PRDM2: variants seen among roughly 807,000 people sequenced by gnomAD.
PRDM2 encodes PR/SET domain 2.
Under a neutral mutation model 130.0 loss-of-function variants are expected in PRDM2, and 30 were observed. That is an observed-to-expected ratio of 0.23 (90% CI 0.17 to 0.31). PRDM2 has a LOEUF of 0.31. PRDM2 is among the 10% of genes least tolerant of loss of function. The pLI is 1.00. For synonymous variants in PRDM2, 871 were observed against 782.4 expected (o/e 1.11, Z -1.89); for missense variants, 2,011 against 2,108.4 (o/e 0.95, Z 0.90).
intron 6 of PRDM2, among the ~76,000 whole-genome samples, chr1:13,755,563 T>A (rs1204157574): frequency 6.6e-6 from 1 of 152,220 alleles, no homozygotes; most frequent in Non-Finnish European, 1.5e-5. Context: ...AATCCACTTA[T>A]AATTTGAAAG....
In PRDM2 at chr1:13,824,028, T is replaced by A. The variant is rs1570150554; in HGVS notation, c.*893T>A. 2 of 151,102 alleles carry A rather than the reference T, an allele frequency of 1.3e-5. No homozygotes were observed. The highest frequency in any genetic ancestry group is 2.1e-4 in the South Asian group (1 of 4,750). The allele number at this position is 151,102 out of a possible 1,614,324, so 9.4% of individuals were successfully genotyped here. On this transcript the variant is annotated 3_prime_UTR_variant, in exon 10 of 10. Coordinates refer to ENST00000311066, the MANE Select transcript of PRDM2 (RefSeq NM_001393986.1). ...AACAAATTGGGAAATGAAAAAAAAATGGGAAGATTAAAAAGCACAGGGGGA... is the reference window on the plus strand; with the variant it reads ...AACAAATTGGGAAATGAAAAAAAAAAGGGAAGATTAAAAAGCACAGGGGGA...
intron 9 of PRDM2, among the ~76,000 whole-genome samples, chr1:13,821,837 C>T (rs979315646): frequency 3.3e-5 from 5 of 152,138 alleles, no homozygotes; most frequent in East Asian, 1.9e-4. Context: ...GTGGTTTCTG[C>T]GGAGGAAGCA....
chr1:13,738,871 TCTTCAACAAACC>T (rs1643350833), intron 4 of PRDM2: 1 of 151,994 alleles, frequency 6.6e-6, no homozygotes, highest in Admixed American at 6.6e-5. Context: ...AGTTTTATAA[TCTTCAACAAACC>T]CTTCAGGTAT....
intron 8 of PRDM2, among the ~76,000 whole-genome samples, chr1:13,815,552 G>A (rs1645243856): frequency 6.6e-6 from 1 of 152,068 alleles, no homozygotes; most frequent in Non-Finnish European, 1.5e-5. Flanking sequence ...GACACCTAAG[G>A]GGCCTGTTGG....
At chr1:13,723,565 T>C (rs1408272562) in intron 2 of PRDM2, among the ~76,000 whole-genome samples, 1 of 152,218 alleles carries the variant, frequency 6.6e-6, no homozygotes, top group African/African-American at 2.4e-5. Context: ...TCCTGGAGTC[T>C]TCCCCAGCTT....
intron 6 of PRDM2, among the ~76,000 whole-genome samples, chr1:13,768,859 C>T (rs533068129): frequency 1.3e-5 from 2 of 152,288 alleles, no homozygotes; most frequent in East Asian, 3.9e-4. Context: ...ACAATAAGGG[C>T]GCACAGTACA....
At chr1:13,760,078 TTC>T (rs1215567003) in intron 6 of PRDM2, among the ~76,000 whole-genome samples, 1 of 152,150 alleles carries the variant, frequency 6.6e-6, no homozygotes, top group Non-Finnish European at 1.5e-5. Flanking sequence ...AATCCAGGAA[TTC>T]AGGATAGAAG....
chr1:13,794,493 A>C (rs1176026636), intron 8 of PRDM2, among the ~76,000 whole-genome samples: 1 of 152,216 alleles, frequency 6.6e-6, no homozygotes, highest in Non-Finnish European at 1.5e-5. Context: ...ATATTTGTTG[A>C]ATAAAATATT....
intron 6 of PRDM2, among the ~76,000 whole-genome samples, chr1:13,767,172 G>GA (rs1644246624): frequency 6.6e-6 from 1 of 151,924 alleles, no homozygotes; most frequent in African/African-American, 2.4e-5. Context: ...ACTCAGTGGT[G>GA]AATCATACTT....
intron 1 of PRDM2, among the ~76,000 whole-genome samples, chr1:13,708,786 G>T (rs774034316): frequency 6.6e-6 from 1 of 152,138 alleles, no homozygotes; most frequent in Admixed American, 6.5e-5. Flanking sequence ...CCTTCGGTGG[G>T]TGAGAGGCGT....
Position 13,742,145 on chromosome 1 carries a change from T to C in PRDM2, c.372T>C (p.Tyr124=), listed in dbSNP as rs138137854. Residue 124 remains tyrosine (Y), a synonymous_variant, in exon 5 of 10, where the codon TAT becomes TAC. Transcript: ENST00000311066. Reference sequence around the variant, plus strand: ...TGGAAATCAACAGAGCCATTTACTATAAAACTTTAAAGGTAACAGCATTAG... The same window carrying C: ...TGGAAATCAACAGAGCCATTTACTACAAAACTTTAAAGGTAACAGCATTAG... ...FPLEINRAIY[Y]KTLKPIAPGE... 2.0e-5 allele frequency: 32 copies of C among 1,613,568 alleles called. No homozygotes were observed. Among genetic ancestry groups the C allele is most frequent in the African/African-American group, 5.3e-5 (4 of 74,910 alleles).
rs576410891 is a variant in PRDM2, at chr1:13,779,179, A to G, written c.1384A>G (p.Lys462Glu). 9.3e-6 allele frequency: 15 copies of G among 1,614,078 alleles called. No homozygotes were observed. Among genetic ancestry groups the G allele is most frequent in the Admixed American group, 3.3e-5 (2 of 60,008 alleles). Residue 462 changes from lysine (K) to glutamate (E), a missense_variant, in exon 8 of 10, where the codon AAG (lysine) becomes GAG (glutamate). Physicochemically the swap from Lys to Glu is moderately conservative, Grantham distance 56 (BLOSUM62 1). Around this residue, in one of 5 missense-constraint regions of PRDM2, gnomAD observed 1,288 missense variants for 1,237.7 expected, o/e 1.04. Coordinates refer to ENST00000311066, the MANE Select transcript of PRDM2 (RefSeq NM_001393986.1). This position sits in a 1 kb window ranked among gnomAD's most constrained non-coding sequence, Gnocchi z 4.9. Reference protein sequence around the residue: ...GPDCLIMNSEKASQDTINSSV... With the variant: ...GPDCLIMNSEEASQDTINSSV... ...AGACTGTCTGATCATGAATTCAGAG[A>G]AGGCTTCCCAAGACACAATAAATTC...
chr1:13,723,879 A>T (rs1642818016), intron 2 of PRDM2, among the ~76,000 whole-genome samples: 1 of 152,212 alleles, frequency 6.6e-6, no homozygotes. Context: ...ACTCTGTGCC[A>T]GGCTGTATCG....
intron 4 of PRDM2, among the ~76,000 whole-genome samples, chr1:13,740,082 G>A (rs1643392503): frequency 6.6e-6 from 1 of 152,198 alleles, no homozygotes; most frequent in Admixed American, 6.5e-5. Context: ...GTATGACTTA[G>A]AAGATGCCTT....
chr1:13,814,370 C>A (rs1228640058), intron 8 of PRDM2, among the ~76,000 whole-genome samples: 2 of 152,254 alleles, frequency 1.3e-5, no homozygotes, highest in Non-Finnish European at 2.9e-5. Context: ...GCAGCCCTGA[C>A]CTTGACAGAG....
At chr1:13,730,283 A>T (rs1643060833) in intron 2 of PRDM2, among the ~76,000 whole-genome samples, 1 of 152,232 alleles carries the variant, frequency 6.6e-6, no homozygotes, top group Admixed American at 6.5e-5. Context: ...TTACATACAT[A>T]TCTAATAGTA....
chr1:13,758,323 T>G (rs1644010384), intron 6 of PRDM2, among the ~76,000 whole-genome samples: 1 of 151,642 alleles, frequency 6.6e-6, no homozygotes. Context: ...GGCTGGAGCC[T>G]GTAATACTAG....
In PRDM2 at chr1:13,723,786, ATC is replaced by A. The variant is rs553876351; in HGVS notation, c.10-7208_10-7207del. 9.9e-4 allele frequency among the ~76,000 whole-genome samples: 151 copies of A among 152,274 alleles called. 1 individual carries two copies. The highest frequency in any genetic ancestry group is 3.0e-3 in the African/African-American group (123 of 41,554). On this transcript the variant is annotated intron_variant, in intron 2 of 9. Coordinates refer to ENST00000311066, the MANE Select transcript of PRDM2 (RefSeq NM_001393986.1). ...CTGGGGCTGTACTGCTCTTACAGCC[ATC>A]TCTCTGTGCCCAGACCTCTGGGCAG... is the stretch of plus-strand genomic sequence containing the variant.
intron 1 of PRDM2, among the ~76,000 whole-genome samples, chr1:13,706,607 T>C (rs1642217985): frequency 6.6e-6 from 1 of 152,200 alleles, no homozygotes; most frequent in African/African-American, 2.4e-5. Flanking sequence ...GAACTGCCCA[T>C]CTGTTCTGTC....
Sources: gnomAD v4.1 joint callset for allele counts (sites outside exome capture counted in the v4.1 genomes callset) on GRCh38, gnomAD v4.1.1 for gene constraint, gnomAD v4.1.1 regional missense constraint, Gnocchi (gnomAD v3.1) non-coding constraint, MANE v1.5 for transcripts, NCBI Gene and HGNC (gene_info 2026-07-23, HGNC 2026-07-21) for gene names.